Variants in PTPRG observed in about 807,000 individuals in gnomAD.
The protein encoded by PTPRG is receptor-type tyrosine-protein phosphatase gamma.
In PTPRG, 102 loss-of-function variants were observed where a neutral mutation model predicts 165.3. The observed-to-expected ratio is 0.62, with a 90% CI of 0.53 to 0.73. The LOEUF (loss-of-function observed/expected upper bound fraction) is 0.73, where lower values mean the gene tolerates loss of function less well. Ranked by LOEUF, PTPRG falls within the 30% of genes least tolerant of loss-of-function variation. PTPRG has a pLI of 0.00. For missense variants in PTPRG, 1,866 were observed against 1,861.4 expected (o/e 1.00, Z -0.05); for synonymous variants, 675 against 669.5 (o/e 1.01, Z -0.13).
intron 14 of PTPRG, among the ~76,000 whole-genome samples, chr3:62,243,287 T>C (rs536302195): frequency 1.8e-3 from 276 of 152,194 alleles, no homozygotes; most frequent in African/African-American, 6.4e-3. Context: ...TCTGAGTGCT[T>C]GCCTTCCTGA....
chr3:62,081,166 A>C (rs1701560416), intron 5 of PTPRG, among the ~76,000 whole-genome samples: 1 of 151,580 alleles, frequency 6.6e-6, no homozygotes, highest in African/African-American at 2.4e-5. Context: ...CTGAGGCAGG[A>C]GAATGGCGTG....
intron 25 of PTPRG, among the ~76,000 whole-genome samples, chr3:62,277,346 G>T (rs1486055240): frequency 2.0e-5 from 3 of 152,136 alleles, no homozygotes. Flanking sequence ...GGGTTAACTA[G>T]AAGTGAACTG....
intron 1 of PTPRG, among the ~76,000 whole-genome samples, chr3:61,627,531 C>A (rs1221989057): frequency 6.6e-6 from 1 of 152,048 alleles, no homozygotes; most frequent in Non-Finnish European, 1.5e-5. Context: ...AATATGTAAC[C>A]TTTTTACCTC....
chr3:62,133,181 T>G (rs1434515464), intron 6 of PTPRG, among the ~76,000 whole-genome samples: 1 of 152,182 alleles, frequency 6.6e-6, no homozygotes, highest in African/African-American at 2.4e-5. Flanking sequence ...GGAGAGAAAG[T>G]AAGATAAATG....
At chr3:62,163,081 T>C (rs968368738) in intron 7 of PTPRG, among the ~76,000 whole-genome samples, 25 of 152,040 alleles carry the variant, frequency 1.6e-4, no homozygotes, top group African/African-American at 5.6e-4. Flanking sequence ...CTACACACTT[T>C]TAAACAACCA....
intron 2 of PTPRG, among the ~76,000 whole-genome samples, chr3:61,824,389 C>T (rs1399937147): frequency 1.3e-5 from 2 of 152,212 alleles, no homozygotes; most frequent in African/African-American, 4.8e-5. Flanking sequence ...ACACAGTCTT[C>T]TACCACCAGG....
intron 4 of PTPRG, among the ~76,000 whole-genome samples, chr3:62,008,513 T>C (rs796591117): frequency 3.3e-5 from 5 of 152,356 alleles, no homozygotes; most frequent in African/African-American, 1.2e-4. Flanking sequence ...TCCTAATGTA[T>C]ACCATGTACA....
At chr3:61,641,030 G>A (rs146584286) in intron 1 of PTPRG, among the ~76,000 whole-genome samples, 1 of 152,154 alleles carries the variant, frequency 6.6e-6, no homozygotes, top group South Asian at 2.1e-4. Flanking sequence ...GCTAGAAGAT[G>A]TCCAGGCAGG....
chr3:61,752,733 C>G (rs2033479531), intron 2 of PTPRG, among the ~76,000 whole-genome samples: 1 of 131,204 alleles, frequency 7.6e-6, no homozygotes, highest in Admixed American at 9.0e-5. Context: ...TTGCAGTAAG[C>G]TGAAATCGTG....
chr3:61,960,995 A>G (rs534044682), intron 2 of PTPRG, among the ~76,000 whole-genome samples: 1 of 152,300 alleles, frequency 6.6e-6, no homozygotes, highest in East Asian at 1.9e-4. Context: ...AAATAGGGAT[A>G]AAAATGTTTT....
At chr3:61,709,756 A>G (rs1234940334) in intron 1 of PTPRG, among the ~76,000 whole-genome samples, 1 of 152,186 alleles carries the variant, frequency 6.6e-6, no homozygotes, top group Non-Finnish European at 1.5e-5. Context: ...ATTTCCCAAG[A>G]CTGAAAAGAA....
At chr3:61,677,026 C>G (rs956944019) in intron 1 of PTPRG, among the ~76,000 whole-genome samples, 1 of 152,056 alleles carries the variant, frequency 6.6e-6, no homozygotes. Flanking sequence ...GCGGGTGGAT[C>G]ACAAGGTTAG....
At chr3:62,007,641 C>T (rs867342434) in intron 4 of PTPRG, among the ~76,000 whole-genome samples, 4 of 152,182 alleles carry the variant, frequency 2.6e-5, no homozygotes, top group African/African-American at 9.7e-5. Flanking sequence ...AAGGTATTTA[C>T]ACTCCAGTGG....
rs549535726 is a variant in PTPRG, at chr3:62,228,239, G to C, written c.2289-2986G>C. 6.6e-6 allele frequency among the ~76,000 whole-genome samples: 1 copy of C among 152,206 alleles called. No homozygotes were observed. The highest frequency in any genetic ancestry group is 6.5e-5 in the Admixed American group (1 of 15,280). On this transcript the variant is annotated intron_variant, in intron 13 of 29. Transcript: ENST00000474889. The surrounding 1 kb of genome is among the most constrained non-coding windows in gnomAD (Gnocchi z 4.1). ...TATTTTTTACAAAACAAAGAAAAAG[G>C]AGGCTGGGCGCGGTGGCTCATGCCT...
chr3:62,166,810 T>A (rs533300863), intron 7 of PTPRG, among the ~76,000 whole-genome samples: 11 of 151,994 alleles, frequency 7.2e-5, no homozygotes, highest in African/African-American at 2.7e-4. Context: ...CACCTCACCC[T>A]CCCAAGAAGC....
chr3:61,861,926 GC>G (rs1317763295), intron 2 of PTPRG, among the ~76,000 whole-genome samples: 1 of 152,160 alleles, frequency 6.6e-6, no homozygotes. Flanking sequence ...CCTTATGGGG[GC>G]AGAATTAAGA....
At chr3:61,746,593 G>T (rs987519586) in intron 1 of PTPRG, among the ~76,000 whole-genome samples, 1 of 151,894 alleles carries the variant, frequency 6.6e-6, no homozygotes, top group African/African-American at 2.4e-5. Context: ...ACCACCCCCC[G>T]AGGCTTCCAC....
intron 17 of PTPRG, among the ~76,000 whole-genome samples, chr3:62,264,933 T>G (rs1323346307): frequency 6.6e-6 from 1 of 151,138 alleles, no homozygotes; most frequent in South Asian, 2.1e-4. Context: ...GTCCAGTGTT[T>G]CCACATCCTC....
chr3:61,882,947 G>A (rs2107474877), intron 2 of PTPRG, among the ~76,000 whole-genome samples: 1 of 152,212 alleles, frequency 6.6e-6, no homozygotes, highest in South Asian at 2.1e-4. Flanking sequence ...GATTCTACTA[G>A]ATGCTTAATG....
Sources: allele counts gnomAD v4.1 joint callset (sites outside exome capture counted in the v4.1 genomes callset), GRCh38; gene constraint gnomAD v4.1.1; non-coding constraint Gnocchi (gnomAD v3.1); transcripts MANE v1.5; gene names NCBI Gene and HGNC (gene_info 2026-07-23, HGNC 2026-07-21).